ST6GALNAC3: variants seen among roughly 807,000 people sequenced by gnomAD.
ST6GALNAC3 encodes the protein ST6 N-acetylgalactosaminide alpha-2,6-sialyltransferase 3, also known as alpha-N-acetylgalactosaminide alpha-2,6-sialyltransferase 3.
In ST6GALNAC3, 25 loss-of-function variants were observed where a neutral mutation model predicts 32.7. The observed-to-expected ratio is 0.76, with a 90% confidence interval of 0.56 to 1.07. ST6GALNAC3 has a LOEUF of 1.07. Among genes scored for constraint, ST6GALNAC3 ranks in the 50% least tolerant of loss-of-function variants. The probability of loss-of-function intolerance (pLI) is 0.00; values close to 1 mark genes in which losing one functional copy is unlikely to be tolerated. For synonymous variants in ST6GALNAC3, 129 were observed against 133.1 expected, an observed-to-expected ratio of 0.97 and a Z score of 0.21; for missense variants, 355 against 382.4, an observed-to-expected ratio of 0.93 and a Z score of 0.60.
chr1:76,472,428 C>G, intron 3 of ST6GALNAC3, among the ~76,000 whole-genome samples: 1 of 152,060 alleles, frequency 6.6e-6, no homozygotes, highest in Non-Finnish European at 1.5e-5. Context: ...CCTTGGTGAT[C>G]TGTGTGAGAA....
At chr1:76,280,068 C>T (rs1248345402) in intron 1 of ST6GALNAC3, among the ~76,000 whole-genome samples, 1 of 151,656 alleles carries the variant, frequency 6.6e-6, no homozygotes, top group Non-Finnish European at 1.5e-5. Flanking sequence ...TTGTTCTTTC[C>T]TTCTCCCTCC....
At chr1:76,125,639 AGTCTCTCTGTACAAGACATGT>A (rs1649192290) in intron 1 of ST6GALNAC3, among the ~76,000 whole-genome samples, 1 of 152,236 alleles carries the variant, frequency 6.6e-6, no homozygotes, top group South Asian at 2.1e-4. Context: ...GATCAGAAGC[AGTCTCTCTGTACAAGACATGT>A]GTTTCCCATC....
chr1:76,152,439 A>C (rs905887899), intron 1 of ST6GALNAC3, among the ~76,000 whole-genome samples: 2 of 152,196 alleles, frequency 1.3e-5, no homozygotes, highest in Admixed American at 1.3e-4. Flanking sequence ...TGCACACCAC[A>C]TACTTGTGGA....
intron 2 of ST6GALNAC3, among the ~76,000 whole-genome samples, chr1:76,355,804 C>T (rs1456932021): frequency 2.6e-5 from 4 of 152,148 alleles, no homozygotes; most frequent in African/African-American, 9.7e-5. Flanking sequence ...TCTGCATGAA[C>T]CATTTATCAA....
intron 2 of ST6GALNAC3, among the ~76,000 whole-genome samples, chr1:76,326,348 C>T (rs1647069474): frequency 6.6e-6 from 1 of 152,106 alleles, no homozygotes; most frequent in South Asian, 2.1e-4. Flanking sequence ...TGCACTTCAC[C>T]CACCATGAGG....
intron 1 of ST6GALNAC3, among the ~76,000 whole-genome samples, chr1:76,262,004 A>G (rs1658267368): frequency 6.6e-6 from 1 of 152,202 alleles, no homozygotes. Context: ...GATGAAACTT[A>G]TAGAGACCTT....
At chr1:76,445,913 A>G (rs1656935648) in intron 3 of ST6GALNAC3, among the ~76,000 whole-genome samples, 1 of 152,182 alleles carries the variant, frequency 6.6e-6, no homozygotes, top group Non-Finnish European at 1.5e-5. Context: ...AATGATATAC[A>G]TATACTTCTG....
chr1:76,549,914 G>A (rs1480679267), intron 3 of ST6GALNAC3, among the ~76,000 whole-genome samples: 1 of 152,132 alleles, frequency 6.6e-6, no homozygotes, highest in Admixed American at 6.5e-5. Flanking sequence ...TTTATTTTGT[G>A]TTTCCCTGAC....
At chr1:76,113,382 T>C (rs1648227462) in intron 1 of ST6GALNAC3, among the ~76,000 whole-genome samples, 1 of 151,320 alleles carries the variant, frequency 6.6e-6, no homozygotes, top group Non-Finnish European at 1.5e-5. Flanking sequence ...CCAAATGGCA[T>C]TGTTATGGGG....
chr1:76,618,595 T>G (rs1040260048), intron 3 of ST6GALNAC3, among the ~76,000 whole-genome samples: 1 of 152,180 alleles, frequency 6.6e-6, no homozygotes, highest in Non-Finnish European at 1.5e-5. Context: ...ATATTTTTAT[T>G]TCCTACTTAT....
intron 1 of ST6GALNAC3, among the ~76,000 whole-genome samples, chr1:76,274,002 A>G (rs1658999383): frequency 6.6e-6 from 1 of 152,194 alleles, no homozygotes; most frequent in African/African-American, 2.4e-5. Flanking sequence ...TGGAGTATAC[A>G]TAAAACTAAA....
At chr1:76,636,779 G>T (rs1017249267), downstream of ST6GALNAC3, 5 of 151,836 alleles carry the variant, frequency 3.3e-5, no homozygotes, top group South Asian at 8.3e-4. Flanking sequence ...AAAGTACTTC[G>T]CATGTTAGCA....
rs548648524 is a variant in ST6GALNAC3 at position 76,244,022 on chromosome 1, A to C, written c.19-69783A>C. On this transcript the variant is annotated intron_variant, in intron 1 of 4. Coordinates refer to ENST00000328299, the MANE Select transcript of ST6GALNAC3 (RefSeq NM_152996.4). ...GCTTGATGGGGATGGCATTGAATCTATAAATTACTTTGGGCAGTATGGCCA... is the reference window on the plus strand; with the variant it reads ...GCTTGATGGGGATGGCATTGAATCTCTAAATTACTTTGGGCAGTATGGCCA... Among the ~76,000 whole-genome samples the C allele has an allele frequency of 7.9e-5, 12 of 152,284 alleles. No individual in the cohort carries two copies. The South Asian group carries it at 2.5e-3, about 32-fold the overall frequency.
At chr1:76,260,603 T>A (rs894228606) in intron 1 of ST6GALNAC3, among the ~76,000 whole-genome samples, 7 of 151,278 alleles carry the variant, frequency 4.6e-5, no homozygotes, top group Non-Finnish European at 8.9e-5. Context: ...GTCGTGGAGA[T>A]GAGATATGAA....
intron 2 of ST6GALNAC3, among the ~76,000 whole-genome samples, chr1:76,361,788 G>A (rs1033610102): frequency 6.6e-6 from 1 of 151,986 alleles, no homozygotes; most frequent in East Asian, 1.9e-4. Context: ...AGACCAGCCT[G>A]TCCAACTTGG....
intron 3 of ST6GALNAC3, among the ~76,000 whole-genome samples, chr1:76,437,823 C>T (rs550130150): frequency 3.2e-4 from 49 of 152,166 alleles, no homozygotes; most frequent in Admixed American, 4.6e-4. Flanking sequence ...ATCCACCCGC[C>T]TCAGCCTCCC....
intron 1 of ST6GALNAC3, among the ~76,000 whole-genome samples, chr1:76,294,264 G>C (rs1275692013): frequency 6.6e-6 from 1 of 151,670 alleles, no homozygotes; most frequent in Non-Finnish European, 1.5e-5. Context: ...TTTCTCTTAG[G>C]TATATATTAT....
intron 3 of ST6GALNAC3, among the ~76,000 whole-genome samples, chr1:76,465,507 A>G (rs1658563428): frequency 6.6e-6 from 1 of 152,176 alleles, no homozygotes; most frequent in Non-Finnish European, 1.5e-5. Context: ...AATTTAATTT[A>G]TGAAAATAAT....
intron 3 of ST6GALNAC3, among the ~76,000 whole-genome samples, chr1:76,503,668 A>G (rs768492329): frequency 1.3e-5 from 2 of 152,222 alleles, no homozygotes; most frequent in African/African-American, 2.4e-5. Flanking sequence ...TGTGCTAGAC[A>G]CTGTTAGTGA....
Sources: allele counts gnomAD v4.1 joint callset (sites outside exome capture counted in the v4.1 genomes callset), GRCh38; gene constraint gnomAD v4.1.1; transcripts MANE v1.5; gene names NCBI Gene and HGNC (gene_info 2026-07-23, HGNC 2026-07-21).